The following MTMR7 variants were observed in gnomAD, a reference collection of about 807,000 sequenced individuals.
MTMR7 encodes the protein phosphatidylinositol-3-phosphate phosphatase MTMR7.
MTMR7 carries 76 observed loss-of-function variants against 81.2 expected under a neutral mutation model. That is an observed-to-expected ratio of 0.94 (90% CI 0.78 to 1.13). MTMR7 has a LOEUF of 1.13. MTMR7 is among the 50% of genes most tolerant of loss of function. MTMR7 has a pLI of 0.00. For missense variants in MTMR7, 1,044 were observed against 820.0 expected (o/e 1.27, Z -3.34); for synonymous variants, 372 against 289.8 (o/e 1.28, Z -2.88).
At chr8:17,318,194 A>G (rs1344351875) in intron 7 of MTMR7, among the ~76,000 whole-genome samples, 2 of 152,128 alleles carry the variant, frequency 1.3e-5, no homozygotes, top group Non-Finnish European at 2.9e-5. Flanking sequence ...CATGTTTGGG[A>G]TCCGAACACA....
intron 1 of MTMR7, among the ~76,000 whole-genome samples, chr8:17,390,226 G>A (rs1821066779): frequency 6.6e-6 from 1 of 152,036 alleles, no homozygotes; most frequent in Non-Finnish European, 1.5e-5. Flanking sequence ...TTGCTTCTGG[G>A]GAGGCCTCAG....
rs936077186 is a variant in MTMR7 at position 17,299,286 on chromosome 8, T to C, written c.*576A>G. ...AAAATTATTCTCACAATTCAAAATATATGCTCCAAGGAAAAGTTAAAGTGA... is the reference window on the plus strand; with the variant it reads ...AAAATTATTCTCACAATTCAAAATACATGCTCCAAGGAAAAGTTAAAGTGA... On this transcript the variant is annotated 3_prime_UTR_variant, in exon 14 of 14. Transcript: ENST00000180173. The C allele has an allele frequency of 1.3e-5, 2 of 152,288 alleles. No individual in the cohort carries two copies. The highest frequency in any genetic ancestry group is 4.8e-5 in the African/African-American group (2 of 41,450). 9.4% of individuals were successfully genotyped at this position (152,288 alleles called of 1,614,324 possible). A position where few individuals can be genotyped will look rare whatever the true frequency, so the allele number is the denominator to read the frequency against.
At chr8:17,389,950 C>A (rs186564320) in intron 1 of MTMR7, among the ~76,000 whole-genome samples, 6 of 152,110 alleles carry the variant, frequency 3.9e-5, no homozygotes. Flanking sequence ...CACCTTTACT[C>A]TGTACCAGAC....
chr8:17,408,369 C>T (rs1400193905), intron 1 of MTMR7, among the ~76,000 whole-genome samples: 1 of 49,474 alleles, frequency 2.0e-5, no homozygotes, highest in Non-Finnish European at 6.0e-5. Flanking sequence ...ACAGTCCGGC[C>T]TGGGCGACAG....
chr8:17,364,871 G>A (rs1157770290), intron 3 of MTMR7, among the ~76,000 whole-genome samples: 2 of 152,178 alleles, frequency 1.3e-5, no homozygotes, highest in Non-Finnish European at 2.9e-5. Context: ...GTGCTGCAAC[G>A]AAAATGTGAG....
chr8:17,388,304 A>G (rs1821008020), intron 1 of MTMR7, among the ~76,000 whole-genome samples: 1 of 152,228 alleles, frequency 6.6e-6, no homozygotes, highest in Non-Finnish European at 1.5e-5. Context: ...CAACAAGCAT[A>G]AAGAAGAGGA....
At chr8:17,402,999 G>A (rs1340804718) in intron 1 of MTMR7, among the ~76,000 whole-genome samples, 1 of 152,144 alleles carries the variant, frequency 6.6e-6, no homozygotes, top group Non-Finnish European at 1.5e-5. Flanking sequence ...GATGGTTCCT[G>A]ATGTTGAGCA....
At chr8:17,387,257 T>C (rs1295360324) in intron 1 of MTMR7, among the ~76,000 whole-genome samples, 1 of 152,202 alleles carries the variant, frequency 6.6e-6, no homozygotes, top group Non-Finnish European at 1.5e-5. Context: ...TCTACCAATA[T>C]CTATTTAGCC....
At chr8:17,311,670 G>A (rs1171350990) in intron 8 of MTMR7, 34 bp from the exon 9 acceptor site, 2 of 1,613,336 alleles carry the variant, frequency 1.2e-6, no homozygotes, top group Non-Finnish European at 1.7e-6. Context: ...GAGTCACAAA[G>A]AATGGCTGTA....
intron 8 of MTMR7, 118 bp downstream of exon 8, chr8:17,313,174 G>T: frequency 1.6e-6 from 1 of 635,816 alleles, no homozygotes; most frequent in Non-Finnish European, 2.7e-6. Context: ...TACAAAGCTG[G>T]CTATCCAGTC....
At chr8:17,308,073 A>G (rs975893368) in intron 10 of MTMR7, among the ~76,000 whole-genome samples, 3 of 151,756 alleles carry the variant, frequency 2.0e-5, no homozygotes, top group African/African-American at 7.3e-5. Flanking sequence ...AATGAGGAAG[A>G]AAAAAATAAT....
chr8:17,356,124 TC>T (rs1406155219), intron 4 of MTMR7, among the ~76,000 whole-genome samples: 1 of 152,200 alleles, frequency 6.6e-6, no homozygotes, highest in Non-Finnish European at 1.5e-5. Flanking sequence ...GTTATTATTC[TC>T]CCTCCTTTGT....
At chr8:17,381,390 A>C (rs1182888808) in intron 1 of MTMR7, among the ~76,000 whole-genome samples, 1 of 151,860 alleles carries the variant, frequency 6.6e-6, no homozygotes, top group African/African-American at 2.4e-5. Flanking sequence ...CGAGAGTCAG[A>C]GCCTTTCTTC....
At chr8:17,390,872 G>A (rs1048959518) in intron 1 of MTMR7, among the ~76,000 whole-genome samples, 13 of 152,170 alleles carry the variant, frequency 8.5e-5, no homozygotes, top group East Asian at 1.9e-4. Context: ...GTCACCTCCC[G>A]TGAGGTCCCT....
At chr8:17,364,826 C>T (rs1820177136) in intron 3 of MTMR7, among the ~76,000 whole-genome samples, 1 of 152,216 alleles carries the variant, frequency 6.6e-6, no homozygotes, top group Admixed American at 6.5e-5. Flanking sequence ...ATGATGGATA[C>T]TTAAGTTGAT....
At chr8:17,338,527 A>G (rs1380497265) in intron 6 of MTMR7, among the ~76,000 whole-genome samples, 1 of 152,196 alleles carries the variant, frequency 6.6e-6, no homozygotes, top group Non-Finnish European at 1.5e-5. Context: ...GCTAATCATT[A>G]AATCATCTGT....
At chr8:17,345,548 C>T (rs113552013) in intron 5 of MTMR7, among the ~76,000 whole-genome samples, 2,197 of 152,354 alleles carry the variant, frequency 0.014, 56 homozygotes, top group African/African-American at 0.05. Flanking sequence ...GTGTCAAGTG[C>T]TGTGTGTCTG....
rs117299491 is a variant in MTMR7 at position 17,299,094 on chromosome 8, G to T, written c.*768C>A. 632 of 152,246 alleles carry T rather than the reference G, an allele frequency of 4.2e-3. 7 individuals are homozygous for T. Among genetic ancestry groups the T allele is most frequent in the African/African-American group, 0.014 (572 of 41,544 alleles). The allele number at this position is 152,246 out of a possible 1,614,324, so 9.4% of individuals were successfully genotyped here. On this transcript the variant is annotated 3_prime_UTR_variant, in exon 14 of 14. Coordinates refer to ENST00000180173, the MANE Select transcript of MTMR7 (RefSeq NM_004686.5). ...GTAGTCTCTAGAACAGTAATAAAAG[G>T]TTATTACAAGAAAGCTGATACTTAA...
At chr8:17,357,551 C>CT (rs34280254) in intron 4 of MTMR7, among the ~76,000 whole-genome samples, 46,992 of 151,952 alleles carry the variant, frequency 0.31, 8,558 homozygotes, top group East Asian at 0.64. Flanking sequence ...CATAAAACAC[C>CT]TTTTTTTCCC....
Sources: gnomAD v4.1 joint callset for allele counts (sites outside exome capture counted in the v4.1 genomes callset) on GRCh38, gnomAD v4.1.1 for gene constraint, MANE v1.5 for transcripts, NCBI Gene and HGNC (gene_info 2026-07-23, HGNC 2026-07-21) for gene names.